The following FOXK2 variants were observed in gnomAD, a reference collection of about 807,000 sequenced individuals.
FOXK2 encodes the protein forkhead box protein K2.
FOXK2 carries 24 observed loss-of-function variants against 53.3 expected under a neutral mutation model. The observed-to-expected ratio is 0.45, with a 90% CI of 0.33 to 0.63. FOXK2 has a LOEUF of 0.63. FOXK2 is among the 30% of genes least tolerant of loss of function. The pLI, the probability that FOXK2 is intolerant of heterozygous loss-of-function variation, is 0.03. For synonymous variants in FOXK2, 505 were observed against 407.1 expected (o/e 1.24, Z -2.89); for missense variants, 952 against 910.5 (o/e 1.05, Z -0.59).
intron 1 of FOXK2, among the ~76,000 whole-genome samples, chr17:82,544,026 T>C (rs2044598668): frequency 6.6e-6 from 1 of 152,126 alleles, no homozygotes; most frequent in Admixed American, 6.6e-5. Flanking sequence ...TCCGCCCGCC[T>C]CAGCCTCCCA....
intron 8 of FOXK2, among the ~76,000 whole-genome samples, chr17:82,590,184 G>A (rs890318774): frequency 1.3e-5 from 2 of 152,180 alleles, no homozygotes; most frequent in African/African-American, 4.8e-5. Flanking sequence ...TGGCAGATGG[G>A]CTTTAAGAAA....
chr17:82,529,218 C>CTTTTTTTTT (rs753569022), intron 1 of FOXK2, among the ~76,000 whole-genome samples: 2 of 90,476 alleles, frequency 2.2e-5, no homozygotes, highest in Non-Finnish European at 4.0e-5. Flanking sequence ...TTGAAAGCGC[C>CTTTTTTTTT]TTTTTTTTTT....
intron 4 of FOXK2, among the ~76,000 whole-genome samples, chr17:82,579,293 A>G (rs901688336): frequency 1.3e-5 from 2 of 152,226 alleles, no homozygotes; most frequent in Admixed American, 6.5e-5. Context: ...CACCAATAAC[A>G]GTCATGTTTG....
intron 1 of FOXK2, among the ~76,000 whole-genome samples, chr17:82,557,942 C>T (rs189205438): frequency 2.1e-4 from 32 of 152,286 alleles, no homozygotes; most frequent in Admixed American, 2.0e-3. Context: ...TGTGAGCAAC[C>T]GCGTCTGGCC....
chr17:82,523,040 G>A (rs1479916252), intron 1 of FOXK2, among the ~76,000 whole-genome samples: 3 of 152,160 alleles, frequency 2.0e-5, no homozygotes, highest in Non-Finnish European at 4.4e-5. Context: ...TGATCCACCC[G>A]CCTTGGCCTC....
chr17:82,571,735 G>A lies in FOXK2; in HGVS notation c.774G>A (p.Lys258=), dbSNP rs763294201. ...SGGDSPKDDS[K]PPYSYAQLIV... ...TTTTTTAAATACAGGATGATTCAAA[G>A]CCGCCTTACTCCTACGCGCAGCTGA... The change falls in exon 4 of 9, where the codon AAG becomes AAA. Residue 258 remains lysine (K), a synonymous_variant. Transcript: ENST00000335255. 1.6e-4 allele frequency: 248 copies of A among 1,542,140 alleles called. 3 individuals are homozygous for A. The South Asian group carries it at 2.6e-3, about 16-fold the overall frequency.
chr17:82,589,592 G>A (rs1287889431), intron 8 of FOXK2, among the ~76,000 whole-genome samples: 1 of 151,806 alleles, frequency 6.6e-6, no homozygotes, highest in Non-Finnish European at 1.5e-5. Context: ...AACACTGAGG[G>A]CCTGTTTCCA....
chr17:82,574,126 T>C (rs919637041), intron 4 of FOXK2, among the ~76,000 whole-genome samples: 1 of 152,258 alleles, frequency 6.6e-6, no homozygotes, highest in African/African-American at 2.4e-5. Context: ...CCTTCTCTGC[T>C]GAACTGCTAT....
At chr17:82,562,726 A>C (rs867951061) in intron 1 of FOXK2, among the ~76,000 whole-genome samples, 7 of 152,116 alleles carry the variant, frequency 4.6e-5, no homozygotes, top group African/African-American at 1.7e-4. Flanking sequence ...TAAGTCTACT[A>C]TAAGACCCAA....
In FOXK2 at chr17:82,601,513, T is replaced by C; in HGVS notation, c.*14T>C. 1.3e-6 allele frequency: 2 copies of C among 1,590,054 alleles called. No homozygotes were observed. The highest frequency in any genetic ancestry group is 1.7e-6 in the Non-Finnish European group (2 of 1,166,162). ...GTCCAGAACTAGCGACCGGGAGAGC[T>C]TTTCTTTAACGATATCAACTCTGTG... On this transcript the variant is annotated 3_prime_UTR_variant, in exon 9 of 9. Transcript: ENST00000335255.
chr17:82,582,796 C>G lies in FOXK2; in HGVS notation c.965C>G (p.Ser322Cys), dbSNP rs1445537869. 1 of 1,610,378 alleles carries G rather than the reference C, an allele frequency of 6.2e-7. No homozygotes were observed. Among genetic ancestry groups the G allele is most frequent in the South Asian group, 1.1e-5 (1 of 89,972 alleles). The part of the protein sequence containing the change: ...LNRYFIKVPR[S>C]QEEPGKGSFW... ...CGTTATTTCATCAAAGTGCCGCGTT[C>G]CCAGGAAGAACCAGGCAAAGGCTCG... The change falls in exon 5 of 9, where the codon TCC (serine) becomes TGC (cysteine). Residue 322 changes from serine to cysteine, a missense_variant. Around this residue, in one of 5 missense-constraint regions of FOXK2, gnomAD observed 160 missense variants for 214.2 expected, o/e 0.75. Coordinates refer to ENST00000335255, the MANE Select transcript of FOXK2 (RefSeq NM_004514.4).
chr17:82,520,219 T>G lies in FOXK2; in HGVS notation c.331T>G (p.Phe111Val). 1 of 1,325,934 alleles carries G rather than the reference T, an allele frequency of 7.5e-7. No homozygotes were observed. The highest frequency in any genetic ancestry group is 9.6e-7 in the Non-Finnish European group (1 of 1,039,330). 82.1% of individuals were successfully genotyped at this position (1,325,934 alleles called of 1,614,324 possible). The change falls in exon 1 of 9, where the codon TTC (phenylalanine) becomes GTC (valine). Residue 111 changes from phenylalanine to valine, a missense_variant. Transcript: ENST00000335255. Reference sequence around the variant, plus strand: ...GCCCAGGCCCGACGCCGGCGGCGACTTCTACCTGCGCTGCTTGGGCAAGAA... The same window carrying G: ...GCCCAGGCCCGACGCCGGCGGCGACGTCTACCTGCGCTGCTTGGGCAAGAA... The part of the protein sequence containing the change: ...AQPRPDAGGD[F>V]YLRCLGKNGV...
chr17:82,582,992 G>C lies in FOXK2; in HGVS notation c.1103+58G>C, dbSNP rs776920816. The stretch of plus-strand genomic sequence containing the variant: ...CGTGCTTACTAAACTTACCTTCAGT[G>C]TATTGGGAAAATTTCCTTTTGAAAA... On this transcript the variant is annotated intron_variant, in intron 5 of 8. Coordinates refer to ENST00000335255, the MANE Select transcript of FOXK2 (RefSeq NM_004514.4). 2.8e-4 allele frequency: 361 copies of C among 1,267,566 alleles called. 3 individuals carry two copies. Among genetic ancestry groups the C allele is most frequent in the Middle Eastern group, 2.4e-3 (8 of 3,374 alleles). 78.5% of individuals were successfully genotyped at this position (1,267,566 alleles called of 1,614,324 possible). A position where few individuals can be genotyped will look rare whatever the true frequency, so the allele number is the denominator to read the frequency against.
At chr17:82,577,448 C>T (rs1305422086) in intron 4 of FOXK2, 2 of 364,654 alleles carry the variant, frequency 5.5e-6, no homozygotes, top group Admixed American at 4.8e-5. Context: ...GCATGCAGGG[C>T]GTGGCGGGCG....
intron 1 of FOXK2, among the ~76,000 whole-genome samples, chr17:82,534,484 C>T (rs1189848784): frequency 6.6e-6 from 1 of 152,196 alleles, no homozygotes; most frequent in Non-Finnish European, 1.5e-5. Flanking sequence ...GCTTCTCCTG[C>T]AGAGCATGTG....
At chr17:82,532,696 C>T (rs1008795142) in intron 1 of FOXK2, among the ~76,000 whole-genome samples, 3 of 151,908 alleles carry the variant, frequency 2.0e-5, no homozygotes, top group African/African-American at 7.3e-5. Context: ...GAGTGATTCT[C>T]CTGCTTCAGC....
intron 1 of FOXK2, among the ~76,000 whole-genome samples, chr17:82,526,647 G>A (rs573411621): frequency 8.7e-4 from 132 of 152,062 alleles, no homozygotes; most frequent in African/African-American, 3.1e-3. Flanking sequence ...TGGTTAACAC[G>A]GTGAAACCTC....
chr17:82,568,132 C>T lies in FOXK2; in HGVS notation c.693C>T (p.Asp231=). The T allele has an allele frequency of 6.2e-7, 1 of 1,613,924 alleles. No homozygotes were observed. The highest frequency in any genetic ancestry group is 2.2e-5 in the East Asian group (1 of 44,868). Residue 231 remains aspartate (D), a synonymous_variant, in exon 3 of 9, where the codon GAC becomes GAT. Coordinates refer to ENST00000335255, the MANE Select transcript of FOXK2 (RefSeq NM_004514.4). ...GYKVGRVMPS[D]LNLMADNSQP... is the part of the protein sequence containing the mutation. ...AGGTGGGCCGAGTGATGCCATCTGACCTCAATTTAATGGCTGACAACTCAC... is the reference window on the plus strand; with the variant it reads ...AGGTGGGCCGAGTGATGCCATCTGATCTCAATTTAATGGCTGACAACTCAC...
rs543078796 is a variant in FOXK2, at chr17:82,550,048, A to C, written c.420-13306A>C. ...TGAGACCCCCATCTCTACAAAAACA[A>C]AACAGGCAGGTGTGGTGGTACGTGC... is the stretch of plus-strand genomic sequence containing the variant. On this transcript the variant is annotated intron_variant, in intron 1 of 8. Transcript: ENST00000335255. Among the ~76,000 whole-genome samples, 114 of 152,266 alleles carry C rather than the reference A, an allele frequency of 7.5e-4. 1 individual carries two copies. Among genetic ancestry groups the C allele is most frequent in the Admixed American group, 1.5e-3 (23 of 15,298 alleles).
Sources: allele counts gnomAD v4.1 joint callset (sites outside exome capture counted in the v4.1 genomes callset), GRCh38; gene constraint gnomAD v4.1.1; regional missense constraint gnomAD v4.1.1; transcripts MANE v1.5; gene names NCBI Gene and HGNC (gene_info 2026-07-23, HGNC 2026-07-21).